Variants in SPHKAP observed in about 807,000 individuals in gnomAD.
SPHKAP encodes the protein SPHK1 interactor, AKAP domain containing, also known as A-kinase anchor protein SPHKAP.
A neutral mutation model predicts 137.5 loss-of-function variants in SPHKAP; 67 were observed. The observed-to-expected ratio is 0.49, with a 90% CI of 0.40 to 0.60. SPHKAP has a LOEUF of 0.60. Among genes scored for constraint, SPHKAP ranks in the 20% least tolerant of loss-of-function variants. The pLI, the probability that SPHKAP is intolerant of heterozygous loss-of-function variation, is 0.00. For synonymous variants in SPHKAP, 813 were observed against 785.3 expected (o/e 1.04, Z -0.59); for missense variants, 2,097 against 2,069.3 (o/e 1.01, Z -0.26).
At chr2:228,020,911 C>T (rs1433019869) in intron 6 of SPHKAP, among the ~76,000 whole-genome samples, 1 of 152,066 alleles carries the variant, frequency 6.6e-6, no homozygotes, top group Non-Finnish European at 1.5e-5. Context: ...TGAGGGCTGC[C>T]ACCATTTTTC....
chr2:228,068,959 G>C (rs1696916704), intron 3 of SPHKAP, among the ~76,000 whole-genome samples: 1 of 152,174 alleles, frequency 6.6e-6, no homozygotes, highest in Non-Finnish European at 1.5e-5. Flanking sequence ...GGAAGCCCTA[G>C]CATCTCCCTC....
rs752376080 is a variant in SPHKAP at position 228,018,887 on chromosome 2, G to A, written c.1967C>T (p.Thr656Ile). 5.6e-6 allele frequency: 9 copies of A among 1,614,060 alleles called. No individual in the cohort carries two copies. Among genetic ancestry groups the A allele is most frequent in the Non-Finnish European group, 6.8e-6 (8 of 1,180,046 alleles). ...RIMETASKSQ[T>I]LCSENVVRNE... ...CCTGACGACATTTTCTGAGCACAGG[G>A]TCTGAGACTTTGAAGCAGTTTCCAT... The change falls in exon 7 of 12, where the codon ACC becomes ATC. Residue 656 changes from threonine to isoleucine, a missense_variant. Physicochemically the swap from Thr to Ile is moderately conservative, Grantham distance 89 (BLOSUM62 -1). Coordinates refer to ENST00000392056, the MANE Select transcript of SPHKAP (RefSeq NM_001142644.2).
chr2:228,046,143 C>G (rs1696041393), intron 3 of SPHKAP, among the ~76,000 whole-genome samples: 1 of 152,012 alleles, frequency 6.6e-6, no homozygotes, highest in Non-Finnish European at 1.5e-5. Flanking sequence ...TTACAGTAAT[C>G]AGTACACAAT....
intron 3 of SPHKAP, among the ~76,000 whole-genome samples, chr2:228,058,188 C>G (rs1696511313): frequency 6.6e-6 from 1 of 152,202 alleles, no homozygotes; most frequent in South Asian, 2.1e-4. Context: ...CTACCCCATT[C>G]TAGCCCATTC....
At chr2:228,157,445 A>G (rs1367275211) in intron 1 of SPHKAP, among the ~76,000 whole-genome samples, 1 of 152,262 alleles carries the variant, frequency 6.6e-6, no homozygotes, top group African/African-American at 2.4e-5. Context: ...GATCTGAAAG[A>G]TTGAATGTAT....
chr2:228,134,140 G>GAA (rs1699356762), intron 1 of SPHKAP, among the ~76,000 whole-genome samples: 1 of 144,020 alleles, frequency 6.9e-6, no homozygotes, highest in Non-Finnish European at 1.5e-5. Flanking sequence ...GAAAGAGAAA[G>GAA]AGAAAGAAAG....
Position 228,075,131 on chromosome 2 carries a change from T to C in SPHKAP, c.246+33701A>G, listed in dbSNP as rs536016207. On this transcript the variant is annotated intron_variant, in intron 3 of 11. Coordinates refer to ENST00000392056, the MANE Select transcript of SPHKAP (RefSeq NM_001142644.2). Reference sequence around the variant, plus strand: ...GCCTATTAAAGCAGGAAGAACATAATTATGAAAAAAATACAAATTATAGAA... The same window carrying C: ...GCCTATTAAAGCAGGAAGAACATAACTATGAAAAAAATACAAATTATAGAA... Among the ~76,000 whole-genome samples, 5 of 152,198 alleles carry C rather than the reference T, an allele frequency of 3.3e-5. No individual in the cohort carries two copies. In the East Asian group the frequency reaches 9.7e-4, roughly 29 times the overall value.
chr2:228,071,064 G>T (rs1482401083), intron 3 of SPHKAP, among the ~76,000 whole-genome samples: 1 of 152,108 alleles, frequency 6.6e-6, no homozygotes, highest in Admixed American at 6.5e-5. Flanking sequence ...GGACCTCATT[G>T]TCTACACCTT....
intron 2 of SPHKAP, among the ~76,000 whole-genome samples, chr2:228,127,849 A>G (rs1699124275): frequency 6.6e-6 from 1 of 152,210 alleles, no homozygotes; most frequent in Non-Finnish European, 1.5e-5. Flanking sequence ...TTGGTTTCCC[A>G]ATGCATATAA....
chr2:228,162,438 G>C (rs1459590488), intron 1 of SPHKAP, among the ~76,000 whole-genome samples: 2 of 152,130 alleles, frequency 1.3e-5, no homozygotes, highest in Non-Finnish European at 2.9e-5. Context: ...TTACTGATTG[G>C]TAAGCTTTAT....
At chr2:228,091,891 C>A (rs1423798617) in intron 3 of SPHKAP, among the ~76,000 whole-genome samples, 2 of 151,920 alleles carry the variant, frequency 1.3e-5, no homozygotes, top group Non-Finnish European at 2.9e-5. Flanking sequence ...GTAGAACTAC[C>A]ATTTGATCCA....
chr2:228,119,118 C>T (rs1036859782), intron 2 of SPHKAP, among the ~76,000 whole-genome samples: 2 of 152,088 alleles, frequency 1.3e-5, no homozygotes, highest in African/African-American at 2.4e-5. Flanking sequence ...ACACTCCCAT[C>T]GGAGGGCAGA....
At chr2:228,127,694 C>T (rs12620506) in intron 2 of SPHKAP, among the ~76,000 whole-genome samples, 51,957 of 151,924 alleles carry the variant, frequency 0.34, 9,164 homozygotes, top group East Asian at 0.51. Context: ...ATTGCAGATC[C>T]AAGGATGATC....
intron 1 of SPHKAP, among the ~76,000 whole-genome samples, chr2:228,179,190 T>C (rs750433482): frequency 2.6e-5 from 4 of 152,194 alleles, no homozygotes; most frequent in Non-Finnish European, 4.4e-5. Flanking sequence ...GAAACAGTGA[T>C]TTATAACCAC....
Position 228,016,841 on chromosome 2 carries a change from C to G in SPHKAP, c.4013G>C (p.Gly1338Ala), listed in dbSNP as rs745486968. 6.2e-7 allele frequency: 1 copy of G among 1,614,016 alleles called. No individual in the cohort carries two copies. ...CTTCTCTGCTTGCGAGGGAGAGCCA[C>G]CAGAAACAGGCTCAGTGTCAGCTTC... ...AEEADTEPVS[G>A]GSPSQAEKCA... The change falls in exon 7 of 12, where the codon GGT (glycine) becomes GCT (alanine). Residue 1338 changes from glycine to alanine, a missense_variant. Coordinates refer to ENST00000392056, the MANE Select transcript of SPHKAP (RefSeq NM_001142644.2).
intron 9 of SPHKAP, among the ~76,000 whole-genome samples, chr2:227,992,236 G>A (rs937521881): frequency 6.6e-6 from 1 of 152,136 alleles, no homozygotes; most frequent in African/African-American, 2.4e-5. Context: ...GCTAAGATAT[G>A]GCTGAAAAAT....
chr2:228,034,023 T>C (rs1695467368), intron 3 of SPHKAP, among the ~76,000 whole-genome samples: 1 of 152,032 alleles, frequency 6.6e-6, no homozygotes, highest in Non-Finnish European at 1.5e-5. Flanking sequence ...AAGAAATAAC[T>C]ACAATCAGAG....
intron 2 of SPHKAP, among the ~76,000 whole-genome samples, chr2:228,118,240 GTTT>G (rs71299665): frequency 1.6e-5 from 2 of 124,146 alleles, no homozygotes; most frequent in East Asian, 2.3e-4. Flanking sequence ...GAGATACACA[GTTT>G]TTTTTTTTTT....
intron 9 of SPHKAP, chr2:227,991,559 T>C (rs529662847): frequency 2.0e-6 from 2 of 985,448 alleles, no homozygotes; most frequent in Non-Finnish European, 2.4e-6. Context: ...ATAACTCAAG[T>C]TACTTTAGTT....
Sources: gnomAD v4.1 joint callset for allele counts (sites outside exome capture counted in the v4.1 genomes callset) on GRCh38, gnomAD v4.1.1 for gene constraint, MANE v1.5 for transcripts, NCBI Gene and HGNC (gene_info 2026-07-23, HGNC 2026-07-21) for gene names.